The following SNX29 variants were observed in gnomAD, a reference collection of about 807,000 sequenced individuals.
SNX29 encodes sorting nexin 29.
SNX29 carries 78 observed loss-of-function variants against 102.1 expected under a neutral mutation model. That is an observed-to-expected ratio of 0.76 (90% CI 0.64 to 0.92). The LOEUF (loss-of-function observed/expected upper bound fraction) is 0.92. Among genes scored for constraint, SNX29 ranks in the 40% least tolerant of loss-of-function variants. The pLI, the probability that SNX29 is intolerant of heterozygous loss-of-function variation, is 0.00. For synonymous variants in SNX29, 580 were observed against 414.5 expected, an observed-to-expected ratio of 1.40 and a Z score of -4.85; for missense variants, 1,280 against 1,061.7, an observed-to-expected ratio of 1.21 and a Z score of -2.86.
At chr16:12,271,870 G>A (rs971251682) in intron 14 of SNX29, among the ~76,000 whole-genome samples, 41 of 152,194 alleles carry the variant, frequency 2.7e-4, no homozygotes, top group Admixed American at 8.5e-4. Context: ...TGATCCGCCT[G>A]CCTTAGCCTC....
At chr16:12,199,350 T>C (rs973901754) in intron 13 of SNX29, among the ~76,000 whole-genome samples, 1 of 152,204 alleles carries the variant, frequency 6.6e-6, no homozygotes, top group African/African-American at 2.4e-5. Flanking sequence ...GTTCTGAATT[T>C]GTGGACACTG....
intron 18 of SNX29, among the ~76,000 whole-genome samples, chr16:12,428,495 A>G (rs1217972313): frequency 6.6e-6 from 1 of 152,254 alleles, no homozygotes; most frequent in East Asian, 1.9e-4. Flanking sequence ...AAGGAAAACA[A>G]AGGACTCACA....
intron 20 of SNX29, among the ~76,000 whole-genome samples, chr16:12,550,123 C>G (rs2077876403): frequency 1.3e-5 from 2 of 152,160 alleles, no homozygotes; most frequent in South Asian, 2.1e-4. Flanking sequence ...GATGTACACT[C>G]ACATGTAAAG....
chr16:12,344,197 A>G (rs1423349991), intron 15 of SNX29, among the ~76,000 whole-genome samples: 1 of 152,190 alleles, frequency 6.6e-6, no homozygotes, highest in Non-Finnish European at 1.5e-5. Context: ...TTTCTTTATA[A>G]ATTACCCAGT....
chr16:12,110,828 A>C (rs897532430), intron 11 of SNX29, among the ~76,000 whole-genome samples: 9 of 150,190 alleles, frequency 6.0e-5, no homozygotes, highest in East Asian at 5.8e-4. Flanking sequence ...TTTCTTTTTT[A>C]ATTTTTTTTT....
intron 19 of SNX29, among the ~76,000 whole-genome samples, chr16:12,508,590 C>T (rs1253399900): frequency 1.3e-5 from 2 of 152,240 alleles, no homozygotes; most frequent in African/African-American, 4.8e-5. Context: ...ACAGAGCTGG[C>T]CCTGCGAGCT....
At chr16:12,482,705 A>C (rs1035096634) in intron 19 of SNX29, among the ~76,000 whole-genome samples, 1 of 152,222 alleles carries the variant, frequency 6.6e-6, no homozygotes, top group African/African-American at 2.4e-5. Context: ...GGAAATAGCA[A>C]GCGTAGTTTA....
At chr16:12,135,476 T>C in intron 13 of SNX29, 1 of 1,295,096 alleles carries the variant, frequency 7.7e-7, no homozygotes. Context: ...GTGACCAGGA[T>C]GGTCTGATAA....
Position 12,477,699 on chromosome 16 carries a change from C to T in SNX29, c.2038-20C>T, listed in dbSNP as rs775056372. On this transcript the variant is annotated intron_variant, in intron 18 of 20. Transcript: ENST00000566228. ...ATAATAAGGGTTTAAGAGGAATTCACATTTTCTCTTTCTTGACAGGTCTAC... is the reference window on the plus strand; with the variant it reads ...ATAATAAGGGTTTAAGAGGAATTCATATTTTCTCTTTCTTGACAGGTCTAC... 1 of 1,604,306 alleles carries T rather than the reference C, an allele frequency of 6.2e-7. No homozygotes were observed. The highest frequency in any genetic ancestry group is 8.5e-7 in the Non-Finnish European group (1 of 1,177,614).
intron 18 of SNX29, among the ~76,000 whole-genome samples, chr16:12,466,309 G>A (rs944460478): frequency 6.6e-6 from 1 of 152,182 alleles, no homozygotes. Flanking sequence ...ATTGAGTAAA[G>A]TTGTCAGATA....
chr16:12,147,656 C>A (rs569954345), intron 13 of SNX29, among the ~76,000 whole-genome samples: 1 of 152,168 alleles, frequency 6.6e-6, no homozygotes, highest in Non-Finnish European at 1.5e-5. Context: ...AGCCGCAGCC[C>A]GTGGCTCAGT....
At chr16:12,540,892 G>C (rs2077304217) in intron 20 of SNX29, among the ~76,000 whole-genome samples, 1 of 152,196 alleles carries the variant, frequency 6.6e-6, no homozygotes, top group African/African-American at 2.4e-5. Context: ...ACCCAGAGCT[G>C]GAGGGCTTCT....
intron 14 of SNX29, among the ~76,000 whole-genome samples, chr16:12,241,168 T>C (rs540019111): frequency 3.3e-5 from 5 of 152,216 alleles, no homozygotes; most frequent in African/African-American, 4.8e-5. Flanking sequence ...ATTCCAATTA[T>C]AATTTTTTAA....
At chr16:12,227,184 C>T (rs2077636618) in intron 14 of SNX29, among the ~76,000 whole-genome samples, 1 of 152,106 alleles carries the variant, frequency 6.6e-6, no homozygotes, top group African/African-American at 2.4e-5. Context: ...AGCAGTAGCT[C>T]TTCCTTTCTC....
In SNX29 at chr16:12,541,061, C is replaced by A. The variant is rs145280641; in HGVS notation, c.2318+16220C>A. Among the ~76,000 whole-genome samples, 423 of 152,272 alleles carry A rather than the reference C, an allele frequency of 2.8e-3. 5 individuals are homozygous for A. Among genetic ancestry groups the A allele is most frequent in the South Asian group, 0.026 (124 of 4,828 alleles). ...TGTAGTCTGGCTGCTATTTAGTTTC[C>A]TGAGTTATTGACTAGCTGCCTCATG... On this transcript the variant is annotated intron_variant, in intron 20 of 20. Transcript: ENST00000566228.
chr16:12,562,974 GGGCTGATGCGTAA>G (rs2078814689), intron 20 of SNX29, among the ~76,000 whole-genome samples: 1 of 103,466 alleles, frequency 9.7e-6, no homozygotes, highest in Non-Finnish European at 2.0e-5. Flanking sequence ...CAAGGGGTGA[GGGCTGATGCGTAA>G]GAAAAACTGC....
At chr16:12,280,198 A>G (rs1308716909) in intron 15 of SNX29, among the ~76,000 whole-genome samples, 1 of 152,220 alleles carries the variant, frequency 6.6e-6, no homozygotes, top group Admixed American at 6.5e-5. Context: ...GAGGCTGAGT[A>G]CAAGGAAAGC....
chr16:12,037,660 A>C (rs1179223593), intron 4 of SNX29, among the ~76,000 whole-genome samples: 5 of 152,048 alleles, frequency 3.3e-5, no homozygotes, highest in Admixed American at 3.3e-4. Context: ...TACTAGAAGA[A>C]AGGGAAAGGG....
intron 4 of SNX29, among the ~76,000 whole-genome samples, chr16:12,030,323 C>T (rs184277167): frequency 3.1e-4 from 47 of 152,302 alleles, no homozygotes; most frequent in Non-Finnish European, 6.2e-4. Context: ...TCATGAATGT[C>T]TCTATTTGGC....
Sources: allele counts gnomAD v4.1 joint callset (sites outside exome capture counted in the v4.1 genomes callset), GRCh38; gene constraint gnomAD v4.1.1; transcripts MANE v1.5; gene names NCBI Gene and HGNC (gene_info 2026-07-23, HGNC 2026-07-21).